The following ELMO1 variants were observed in gnomAD, a reference collection of about 807,000 sequenced individuals.
ELMO1 encodes the protein engulfment and cell motility 1, also known as engulfment and cell motility protein 1.
A neutral mutation model predicts 98.9 loss-of-function variants in ELMO1; 26 were observed. The observed-to-expected ratio is 0.26, with a 90% CI of 0.19 to 0.36. The LOEUF (loss-of-function observed/expected upper bound fraction) is 0.36, where lower values mean the gene tolerates loss of function less well. Ranked by LOEUF, ELMO1 falls within the 10% of genes least tolerant of loss-of-function variation. The probability of loss-of-function intolerance (pLI) is 1.00; values close to 1 mark genes in which losing one functional copy is unlikely to be tolerated. For synonymous variants in ELMO1, 346 were observed against 346.0 expected, an observed-to-expected ratio of 1.00 and a Z score of 0.00; for missense variants, 627 against 935.2, an observed-to-expected ratio of 0.67 and a Z score of 4.30.
chr7:37,340,131 T>C (rs888390356), intron 2 of ELMO1, among the ~76,000 whole-genome samples: 35 of 152,242 alleles, frequency 2.3e-4, no homozygotes, highest in African/African-American at 7.7e-4. Context: ...CTATAGAGGA[T>C]CTTATTGGGA....
At chr7:37,289,292 T>A (rs1212207681) in intron 4 of ELMO1, among the ~76,000 whole-genome samples, 1 of 152,238 alleles carries the variant, frequency 6.6e-6, no homozygotes, top group Non-Finnish European at 1.5e-5. Flanking sequence ...TTTCTTTCCC[T>A]ATGCTATAAC....
rs558445719 is a variant in ELMO1 at position 37,302,317 on chromosome 7, G to A, written c.192+12533C>T. Among the ~76,000 whole-genome samples the A allele has an allele frequency of 9.9e-5, 15 of 152,220 alleles. 1 individual carries two copies. In the South Asian group the frequency reaches 3.1e-3, roughly 32 times the overall value. The stretch of plus-strand genomic sequence containing the variant: ...GCTATGTCTCATCCCCTCTAATCAG[G>A]GCAGGCTTGTGACTACTTGGAGAGA... On this transcript the variant is annotated intron_variant, in intron 4 of 21. Coordinates refer to ENST00000310758, the MANE Select transcript of ELMO1 (RefSeq NM_014800.11).
intron 1 of ELMO1, among the ~76,000 whole-genome samples, chr7:37,439,391 A>T (rs1192381397): frequency 6.6e-6 from 1 of 152,178 alleles, no homozygotes; most frequent in Non-Finnish European, 1.5e-5. Context: ...AAGTCACCTC[A>T]TTTGTGAACA....
chr7:37,342,715 C>A lies in ELMO1; in HGVS notation c.-25G>T, dbSNP rs1158476469. 1.9e-6 allele frequency: 3 copies of A among 1,599,018 alleles called. No homozygotes were observed. The highest frequency in any genetic ancestry group is 2.6e-6 in the Non-Finnish European group (3 of 1,173,350). On this transcript the variant is annotated 5_prime_UTR_variant, in exon 2 of 22. Transcript: ENST00000310758. The surrounding 1 kb of genome is among the most constrained non-coding windows in gnomAD (Gnocchi z 4.3). ...TTGTAAGTCCCCAAAATGTTCAAAGCCAGTGGGAATGAGGATCCTACAGCG... is the reference window on the plus strand; with the variant it reads ...TTGTAAGTCCCCAAAATGTTCAAAGACAGTGGGAATGAGGATCCTACAGCG...
intron 15 of ELMO1, among the ~76,000 whole-genome samples, chr7:37,064,233 T>G (rs1796829150): frequency 6.6e-6 from 1 of 152,198 alleles, no homozygotes; most frequent in African/African-American, 2.4e-5. Context: ...TTCATAAATT[T>G]TCTACTGTCT....
intron 16 of ELMO1, among the ~76,000 whole-genome samples, chr7:36,952,665 G>A (rs183651838): frequency 3.9e-5 from 6 of 152,228 alleles, no homozygotes; most frequent in East Asian, 1.9e-4. Context: ...GATGGGAAGC[G>A]GGAATTGTAA....
In ELMO1 at chr7:36,853,157, C is replaced by A. The variant is rs530842791; in HGVS notation, c.*2394G>T. Among the ~76,000 whole-genome samples, 1 of 152,166 alleles carries A rather than the reference C, an allele frequency of 6.6e-6. No individual in the cohort carries two copies. Among genetic ancestry groups the A allele is most frequent in the Non-Finnish European group, 1.5e-5 (1 of 68,042 alleles). On this transcript the variant is annotated 3_prime_UTR_variant, in exon 22 of 22. Coordinates refer to ENST00000310758, the MANE Select transcript of ELMO1 (RefSeq NM_014800.11). ...GGGCAACAATCCTTCCCCACATGGT[C>A]ACAAAATGAATGGAAACAGATGGCA...
At chr7:37,122,404 G>C (rs1786126215) in intron 14 of ELMO1, among the ~76,000 whole-genome samples, 1 of 152,104 alleles carries the variant, frequency 6.6e-6, no homozygotes, top group Non-Finnish European at 1.5e-5. Flanking sequence ...CTCACATGCA[G>C]AGACACACAC....
chr7:37,215,763 T>C (rs1405091616), intron 11 of ELMO1, among the ~76,000 whole-genome samples: 1 of 152,220 alleles, frequency 6.6e-6, no homozygotes, highest in Non-Finnish European at 1.5e-5. Flanking sequence ...ACTCAGGAGC[T>C]TCCCCTGCCC....
At chr7:37,113,789 A>T (rs1038579133) in intron 14 of ELMO1, among the ~76,000 whole-genome samples, 4 of 152,216 alleles carry the variant, frequency 2.6e-5, no homozygotes, top group Non-Finnish European at 1.5e-5. Flanking sequence ...TGGTGTTCTC[A>T]TAAGAAGCAG....
intron 1 of ELMO1, among the ~76,000 whole-genome samples, chr7:37,422,956 G>A (rs529199468): frequency 2.0e-4 from 30 of 152,334 alleles, no homozygotes; most frequent in Admixed American, 7.8e-4. Context: ...CTAGAGGTCT[G>A]TATTGTTACC....
intron 4 of ELMO1, among the ~76,000 whole-genome samples, chr7:37,309,777 GA>G (rs1798802715): frequency 6.6e-6 from 1 of 152,336 alleles, no homozygotes; most frequent in South Asian, 2.1e-4. Flanking sequence ...AGGAAGCACA[GA>G]AACCAGAGCT....
intron 2 of ELMO1, among the ~76,000 whole-genome samples, chr7:37,332,321 T>C (rs1340456549): frequency 6.6e-6 from 1 of 152,246 alleles, no homozygotes; most frequent in Non-Finnish European, 1.5e-5. Context: ...ACAGAAAAAG[T>C]ATAAATATCA....
chr7:36,897,427 GCCTTTTCT>G (rs1806127144), intron 16 of ELMO1, among the ~76,000 whole-genome samples: 1 of 151,226 alleles, frequency 6.6e-6, no homozygotes, highest in Non-Finnish European at 1.5e-5. Flanking sequence ...GGTTACAAGA[GCCTTTTCT>G]TTTTTTTTTG....
chr7:37,342,404 C>G lies in ELMO1; in HGVS notation c.78+209G>C, dbSNP rs1395143259. Among the ~76,000 whole-genome samples the G allele has an allele frequency of 6.6e-6, 1 of 152,170 alleles. No individual in the cohort carries two copies. Among genetic ancestry groups the G allele is most frequent in the Non-Finnish European group, 1.5e-5 (1 of 68,044 alleles). On this transcript the variant is annotated intron_variant, in intron 2 of 21. Coordinates refer to ENST00000310758, the MANE Select transcript of ELMO1 (RefSeq NM_014800.11). The surrounding 1 kb of genome is among the most constrained non-coding windows in gnomAD (Gnocchi z 4.3). ...GCTTCAGACACAAATCCTGTATTGACACAATCCAAGTGGATGCTGGAAGAG... is the reference window on the plus strand; with the variant it reads ...GCTTCAGACACAAATCCTGTATTGAGACAATCCAAGTGGATGCTGGAAGAG...
At chr7:37,217,208 G>C (rs1458275684) in intron 10 of ELMO1, among the ~76,000 whole-genome samples, 1 of 151,566 alleles carries the variant, frequency 6.6e-6, no homozygotes, top group Non-Finnish European at 1.5e-5. Flanking sequence ...CAAATATCTG[G>C]GTGATGCAAA....
intron 10 of ELMO1, among the ~76,000 whole-genome samples, chr7:37,218,640 A>G (rs923533643): frequency 5.3e-5 from 8 of 152,364 alleles, no homozygotes; most frequent in Admixed American, 1.3e-4. Flanking sequence ...ATATACTGAC[A>G]TGGAAAGATG....
At chr7:37,026,674 T>C (rs1001146766) in intron 15 of ELMO1, among the ~76,000 whole-genome samples, 1 of 152,138 alleles carries the variant, frequency 6.6e-6, no homozygotes, top group African/African-American at 2.4e-5. Flanking sequence ...TCCACATGCT[T>C]AGCTCTTGGT....
intron 7 of ELMO1, 29 bp downstream of exon 7, chr7:37,244,327 A>G (rs770071595): frequency 1.9e-6 from 3 of 1,610,690 alleles, no homozygotes; most frequent in African/African-American, 1.3e-5. Context: ...GGGTTAAATC[A>G]TCAATATCAA....
Sources: gnomAD v4.1 joint callset for allele counts (sites outside exome capture counted in the v4.1 genomes callset) on GRCh38, gnomAD v4.1.1 for gene constraint, Gnocchi (gnomAD v3.1) non-coding constraint, MANE v1.5 for transcripts, NCBI Gene and HGNC (gene_info 2026-07-23, HGNC 2026-07-21) for gene names.